The following IL1RAPL1 variants were observed in gnomAD, a reference collection of about 807,000 sequenced individuals.
IL1RAPL1 encodes the protein interleukin 1 receptor accessory protein like 1, also known as interleukin-1 receptor accessory protein-like 1.
IL1RAPL1 carries 3 observed loss-of-function variants against 48.4 expected under a neutral mutation model. The ratio of observed to expected loss-of-function variants is 0.06; its 90% CI spans 0.03 to 0.16. IL1RAPL1 has a LOEUF of 0.16. Among genes scored for constraint, IL1RAPL1 ranks in the 10% least tolerant of loss-of-function variants. The pLI is 1.00. For missense variants in IL1RAPL1, 349 were observed against 530.6 expected (o/e 0.66, Z 3.36); for synonymous variants, 185 against 187.7 (o/e 0.99, Z 0.12).
In IL1RAPL1 at chrX:29,339,530, A is replaced by T. The variant is rs190556032; in HGVS notation, c.362+56313A>T. ...TAAAAAATAAACTTTTTAAAGAACT[A>T]TTCTAGATATGCAGTATTATTATAG... On this transcript the variant is annotated intron_variant, in intron 3 of 10. Coordinates refer to ENST00000378993, the MANE Select transcript of IL1RAPL1 (RefSeq NM_014271.4). Among the ~76,000 whole-genome samples, 23 of 112,129 alleles carry T rather than the reference A, an allele frequency of 2.1e-4. No individual in the cohort carries two copies. The East Asian group carries it at 4.4e-3, about 22-fold the overall frequency.
At chrX:29,113,658 C>T (rs1226962632) in intron 2 of IL1RAPL1, among the ~76,000 whole-genome samples, 1 of 111,203 alleles carries the variant, frequency 9.0e-6, no homozygotes, top group African/African-American at 3.3e-5. Context: ...TTATAACCTG[C>T]CTTTTCTAAA....
intron 2 of IL1RAPL1, among the ~76,000 whole-genome samples, chrX:29,248,545 C>A (rs1931555722): frequency 8.9e-6 from 1 of 112,254 alleles, no homozygotes; most frequent in African/African-American, 3.2e-5. Flanking sequence ...TATGAATAGA[C>A]AACTCATAGG....
chrX:29,584,188 A>G (rs186234552), intron 5 of IL1RAPL1, among the ~76,000 whole-genome samples: 1 of 110,775 alleles, frequency 9.0e-6, no homozygotes, highest in Admixed American at 9.6e-5. Flanking sequence ...TGTCCATATC[A>G]CTGCTCCAAG....
chrX:28,847,672 A>T (rs1425676590), intron 2 of IL1RAPL1, among the ~76,000 whole-genome samples: 2 of 110,648 alleles, frequency 1.8e-5, no homozygotes, highest in East Asian at 5.7e-4. Flanking sequence ...TTTGCCTGGG[A>T]TGCTTTCCAC....
intron 3 of IL1RAPL1, among the ~76,000 whole-genome samples, chrX:29,292,255 T>G (rs1932382029): frequency 8.9e-6 from 1 of 111,918 alleles, no homozygotes; most frequent in Non-Finnish European, 1.9e-5. Context: ...AATAATTCTT[T>G]TTCTTATGAC....
chrX:29,510,939 C>A (rs749311376), intron 5 of IL1RAPL1, among the ~76,000 whole-genome samples: 1 of 111,856 alleles, frequency 8.9e-6, no homozygotes, highest in African/African-American at 3.2e-5. Flanking sequence ...CTCTACTGAA[C>A]TCAGATAGGA....
At chrX:28,835,681 A>G (rs1044584266) in intron 2 of IL1RAPL1, among the ~76,000 whole-genome samples, 2 of 111,657 alleles carry the variant, frequency 1.8e-5, no homozygotes, top group Non-Finnish European at 3.8e-5. Flanking sequence ...GCTGAAATGC[A>G]ATAAACCGCC....
chrX:29,651,015 G>A (rs752444991), intron 5 of IL1RAPL1, among the ~76,000 whole-genome samples: 5 of 109,791 alleles, frequency 4.6e-5, no homozygotes, highest in Non-Finnish European at 5.7e-5. Flanking sequence ...CAACAGGTAC[G>A]TCAAAAAATG....
intron 2 of IL1RAPL1, among the ~76,000 whole-genome samples, chrX:28,992,179 A>G (rs959544522): frequency 3.6e-5 from 4 of 112,091 alleles, no homozygotes; most frequent in African/African-American, 1.3e-4. Context: ...TAATAAATGT[A>G]TAAGTGTGAA....
intron 3 of IL1RAPL1, among the ~76,000 whole-genome samples, chrX:29,334,854 C>G (rs1306486283): frequency 8.9e-6 from 1 of 112,927 alleles, no homozygotes; most frequent in Admixed American, 9.2e-5. Flanking sequence ...CAGAGACGCT[C>G]CTCACTTCCC....
intron 5 of IL1RAPL1, among the ~76,000 whole-genome samples, chrX:29,402,680 T>C (rs886998949): frequency 2.9e-4 from 32 of 111,826 alleles, no homozygotes; most frequent in African/African-American, 1.0e-3. Context: ...ATTTCTGTGC[T>C]TTTTACCTGA....
intron 2 of IL1RAPL1, among the ~76,000 whole-genome samples, chrX:29,052,790 G>A (rs1246587570): frequency 9.0e-6 from 1 of 111,603 alleles, no homozygotes; most frequent in East Asian, 2.8e-4. Flanking sequence ...TCCTGCCTCA[G>A]CCTCCTGAGT....
At chrX:29,562,323 A>G (rs1569339484) in intron 5 of IL1RAPL1, among the ~76,000 whole-genome samples, 1 of 110,244 alleles carries the variant, frequency 9.1e-6, no homozygotes, top group Non-Finnish European at 1.9e-5. Flanking sequence ...TTTATTTAAA[A>G]GGAGTCATAG....
intron 5 of IL1RAPL1, among the ~76,000 whole-genome samples, chrX:29,433,928 C>T (rs977513573): frequency 1.8e-5 from 2 of 109,730 alleles, no homozygotes; most frequent in African/African-American, 6.6e-5. Context: ...CCTTTGGGAA[C>T]TGTATAGGGC....
At chrX:28,991,990 T>C (rs1925615449) in intron 2 of IL1RAPL1, among the ~76,000 whole-genome samples, 1 of 111,875 alleles carries the variant, frequency 8.9e-6, no homozygotes, top group East Asian at 2.8e-4. Context: ...TTCAGTCAAA[T>C]CTAGGTTGAA....
At chrX:28,862,340 C>A (rs1310488932) in intron 2 of IL1RAPL1, among the ~76,000 whole-genome samples, 1 of 111,823 alleles carries the variant, frequency 8.9e-6, no homozygotes, top group Non-Finnish European at 1.9e-5. Flanking sequence ...TTTGCAGAAA[C>A]TAAAGTTTTC....
In IL1RAPL1 at chrX:28,907,929, T is replaced by A. The variant is rs756707986; in HGVS notation, c.82+118504T>A. Among the ~76,000 whole-genome samples, 4 of 112,185 alleles carry A rather than the reference T, an allele frequency of 3.6e-5. No individual in the cohort carries two copies. In the South Asian group the frequency reaches 1.5e-3, roughly 41 times the overall value. Reference sequence around the variant, plus strand: ...TCATTGTATTTAATAGACATAGACCTATTGAGATTATCTGTTTCTCCTTGT... The same window carrying A: ...TCATTGTATTTAATAGACATAGACCAATTGAGATTATCTGTTTCTCCTTGT... On this transcript the variant is annotated intron_variant, in intron 2 of 10. Coordinates refer to ENST00000378993, the MANE Select transcript of IL1RAPL1 (RefSeq NM_014271.4).
intron 2 of IL1RAPL1, among the ~76,000 whole-genome samples, chrX:29,110,219 C>T (rs1385550908): frequency 8.9e-6 from 1 of 111,987 alleles, no homozygotes; most frequent in Non-Finnish European, 1.9e-5. Context: ...TCTTGAATCC[C>T]TTTCTAAAAT....
chrX:29,719,237 C>T (rs1927565344), intron 6 of IL1RAPL1, among the ~76,000 whole-genome samples: 1 of 112,005 alleles, frequency 8.9e-6, no homozygotes, highest in Non-Finnish European at 1.9e-5. Context: ...TACTGTCAGA[C>T]AATGTATTCT....
Sources: allele counts gnomAD v4.1 joint callset (sites outside exome capture counted in the v4.1 genomes callset), GRCh38; gene constraint gnomAD v4.1.1; transcripts MANE v1.5; gene names NCBI Gene and HGNC (gene_info 2026-07-23, HGNC 2026-07-21).